Variants in TET1 observed in about 807,000 individuals in gnomAD.
TET1 encodes methylcytosine dioxygenase TET1.
In TET1, 13 loss-of-function variants were observed where a neutral mutation model predicts 148.7. The ratio of observed to expected loss-of-function variants is 0.09; its 90% CI spans 0.06 to 0.14. The LOEUF (loss-of-function observed/expected upper bound fraction) is 0.14, where lower values mean the gene tolerates loss of function less well. Ranked by LOEUF, TET1 falls within the 10% of genes least tolerant of loss-of-function variation. TET1 has a pLI of 1.00. For missense variants in TET1, 2,182 were observed against 2,553.8 expected (o/e 0.85, Z 3.14); for synonymous variants, 907 against 937.2 (o/e 0.97, Z 0.59).
chr10:68,669,819 T>TTTGTTG (rs779093206), intron 7 of TET1, among the ~76,000 whole-genome samples: 1 of 151,592 alleles, frequency 6.6e-6, no homozygotes, highest in Admixed American at 6.6e-5. Flanking sequence ...CCAGCTAATT[T>TTTGTTG]TTGTTGTTGT....
chr10:68,683,659 A>G (rs145121400), intron 10 of TET1, among the ~76,000 whole-genome samples: 1,647 of 152,246 alleles, frequency 0.011, 35 homozygotes, highest in African/African-American at 0.037. Flanking sequence ...TGATCCGCCC[A>G]CCTTGGCCTC....
chr10:68,669,590 G>A (rs894149603), intron 7 of TET1, among the ~76,000 whole-genome samples: 4 of 149,410 alleles, frequency 2.7e-5, no homozygotes, highest in East Asian at 2.0e-4. Context: ...TCCTGACCTC[G>A]TGATTCGCCC....
Position 68,686,583 on chromosome 10 carries a change from G to A in TET1, c.5280G>A (p.Ala1760=), listed in dbSNP as rs143948127. 511 of 1,614,046 alleles carry A rather than the reference G, an allele frequency of 3.2e-4. No individual in the cohort carries two copies. Among genetic ancestry groups the A allele is most frequent in the Non-Finnish European group, 4.1e-4 (478 of 1,180,044 alleles). The part of the protein sequence containing the change: ...PVPRSGKKRA[A]MMTEVLAHKI... ...CCCGTTCTGGAAAGAAGAGGGCTGCGATGATGACAGAGGTTCTTGCACATA... is the reference window on the plus strand; with the variant it reads ...CCCGTTCTGGAAAGAAGAGGGCTGCAATGATGACAGAGGTTCTTGCACATA... The change falls in exon 11 of 12, where the codon GCG becomes GCA. Residue 1760 remains alanine, a synonymous_variant. Coordinates refer to ENST00000373644, the MANE Select transcript of TET1 (RefSeq NM_030625.3).
chr10:68,668,390 G>A (rs2055223113), intron 7 of TET1, among the ~76,000 whole-genome samples: 1 of 152,138 alleles, frequency 6.6e-6, no homozygotes, highest in African/African-American at 2.4e-5. Flanking sequence ...CAACGCTGTA[G>A]CAATATTGAG....
intron 3 of TET1, among the ~76,000 whole-genome samples, chr10:68,606,343 G>C (rs2054124234): frequency 1.3e-5 from 2 of 152,136 alleles, no homozygotes; most frequent in South Asian, 4.1e-4. Context: ...CTCCAGCCTG[G>C]GCGACAGAGG....
intron 7 of TET1, among the ~76,000 whole-genome samples, chr10:68,672,357 G>A (rs1373069165): frequency 7.9e-5 from 12 of 150,980 alleles, no homozygotes; most frequent in South Asian, 2.1e-4. Flanking sequence ...GCGTGGTGGC[G>A]CACACCTGTA....
chr10:68,605,129 T>G (rs758438503), intron 3 of TET1, among the ~76,000 whole-genome samples: 2 of 152,218 alleles, frequency 1.3e-5, no homozygotes, highest in African/African-American at 2.4e-5. Context: ...CCTGCAGGGT[T>G]CAGCACTGAC....
intron 8 of TET1, among the ~76,000 whole-genome samples, chr10:68,680,408 T>A (rs932867850): frequency 6.6e-6 from 1 of 152,192 alleles, no homozygotes; most frequent in African/African-American, 2.4e-5. Flanking sequence ...TGGCTTGATA[T>A]CATCTCTTGA....
At chr10:68,561,700 C>G (rs966840079) in intron 1 of TET1, among the ~76,000 whole-genome samples, 1 of 150,172 alleles carries the variant, frequency 6.7e-6, no homozygotes, top group Non-Finnish European at 1.5e-5. Context: ...CCCTCCCTCC[C>G]TCCCTCTCCC....
intron 6 of TET1, among the ~76,000 whole-genome samples, chr10:68,662,216 C>T (rs1023304397): frequency 2.0e-5 from 3 of 151,966 alleles, no homozygotes; most frequent in Non-Finnish European, 4.4e-5. Flanking sequence ...ACCATGTTGG[C>T]CAGGCCAGTC....
At position 68,686,351 on chromosome 10, in the gene TET1, A is replaced by C. The variant is rs746023944; in HGVS notation, c.5053-5A>C. ...TTTCCCATTTCATGTTTTTCTCCCT[A>C]TCAGGTTTGTACCTTAACTCGAGAA... On this transcript the variant is annotated splice_region_variant and splice_polypyrimidine_tract_variant and intron_variant, in intron 10 of 11. Coordinates refer to ENST00000373644, the MANE Select transcript of TET1 (RefSeq NM_030625.3). 2 of 1,583,162 alleles carry C rather than the reference A, an allele frequency of 1.3e-6. No individual in the cohort carries two copies. Among genetic ancestry groups the C allele is most frequent in the African/African-American group, 2.7e-5 (2 of 73,692 alleles).
At chr10:68,683,479 T>A (rs1021847865) in intron 10 of TET1, among the ~76,000 whole-genome samples, 2 of 147,228 alleles carry the variant, frequency 1.4e-5, no homozygotes, top group African/African-American at 4.9e-5. Context: ...GGGATTTCAC[T>A]GTGTTAGCCA....
At chr10:68,661,021 TTTTTTGTTTTTG>T (rs1251851027) in intron 6 of TET1, among the ~76,000 whole-genome samples, 1 of 151,164 alleles carries the variant, frequency 6.6e-6, no homozygotes, top group Admixed American at 6.6e-5. Flanking sequence ...ATATTAGTTG[TTTTTTGTTTTTG>T]TTTTTGTTTT....
At chr10:68,632,837 A>T in intron 3 of TET1, 2 of 491,620 alleles carry the variant, frequency 4.1e-6, no homozygotes, top group Non-Finnish European at 3.2e-6. Flanking sequence ...TTAAGTTGTA[A>T]AAAAAAAAAA....
At chr10:68,627,646 G>T (rs2054505175) in intron 3 of TET1, among the ~76,000 whole-genome samples, 1 of 151,802 alleles carries the variant, frequency 6.6e-6, no homozygotes, top group South Asian at 2.1e-4. Context: ...GAAATAAAGT[G>T]GCCGGGCGCG....
intron 3 of TET1, among the ~76,000 whole-genome samples, chr10:68,637,614 C>T (rs1032158185): frequency 6.7e-5 from 10 of 149,864 alleles, no homozygotes; most frequent in Non-Finnish European, 1.3e-4. Flanking sequence ...CAACCTCTGC[C>T]TTCCAGGTTC....
chr10:68,638,935 TG>T (rs2054696960), intron 3 of TET1, among the ~76,000 whole-genome samples: 1 of 151,820 alleles, frequency 6.6e-6, no homozygotes, highest in African/African-American at 2.4e-5. Context: ...AATGAGAAAA[TG>T]GAGAGGGCGT....
At chr10:68,564,156 C>CCTT (rs753340157) in intron 1 of TET1, among the ~76,000 whole-genome samples, 1 of 138,002 alleles carries the variant, frequency 7.2e-6, no homozygotes, top group African/African-American at 2.6e-5. Context: ...CTATTGTTTT[C>CCTT]TTTTTTTTTT....
chr10:68,669,950 A>T (rs1458175187), intron 7 of TET1, among the ~76,000 whole-genome samples: 1 of 151,978 alleles, frequency 6.6e-6, no homozygotes, highest in Non-Finnish European at 1.5e-5. Flanking sequence ...GGCCTGGTAA[A>T]CTCTTATATA....
Sources: gnomAD v4.1 joint callset for allele counts (sites outside exome capture counted in the v4.1 genomes callset) on GRCh38, gnomAD v4.1.1 for gene constraint, MANE v1.5 for transcripts, NCBI Gene and HGNC (gene_info 2026-07-23, HGNC 2026-07-21) for gene names.